Variants in CA5A observed in about 807,000 individuals in gnomAD.
CA5A encodes carbonic anhydrase 5A, also known as carbonic anhydrase 5A, mitochondrial.
CA5A carries 28 observed loss-of-function variants against 37.1 expected under a neutral mutation model. The observed-to-expected ratio is 0.75, with a 90% CI of 0.56 to 1.03. The LOEUF is 1.03. Ranked by LOEUF, CA5A falls within the 50% of genes least tolerant of loss-of-function variation. The pLI is 0.00. For missense variants in CA5A, 444 were observed against 399.9 expected (o/e 1.11, Z -0.94); for synonymous variants, 171 against 158.4 (o/e 1.08, Z -0.60).
At chr16:87,908,876 C>T (rs1041000418) in intron 2 of CA5A, among the ~76,000 whole-genome samples, 3 of 151,998 alleles carry the variant, frequency 2.0e-5, no homozygotes, top group Admixed American at 6.6e-5. Flanking sequence ...AATGCGGTGG[C>T]GTGATCTCAG....
intron 2 of CA5A, among the ~76,000 whole-genome samples, chr16:87,920,565 C>T (rs1269884869): frequency 2.6e-5 from 4 of 152,136 alleles, no homozygotes; most frequent in African/African-American, 9.7e-5. Flanking sequence ...CTGCCTCTGC[C>T]TCCCAAAGCA....
intron 2 of CA5A, among the ~76,000 whole-genome samples, chr16:87,919,573 C>T (rs539584000): frequency 3.1e-4 from 47 of 152,196 alleles, no homozygotes; most frequent in African/African-American, 1.1e-3. Flanking sequence ...GAAAGCAGAG[C>T]CTGGGGGAGC....
At chr16:87,891,467 CA>C (rs372043586) in intron 6 of CA5A, among the ~76,000 whole-genome samples, 141 of 124,600 alleles carry the variant, frequency 1.1e-3, no homozygotes, top group East Asian at 1.6e-3. Context: ...GACTCTGTCT[CA>C]AAAAAAAAAA....
chr16:87,930,141 C>G (rs551346006), intron 1 of CA5A, among the ~76,000 whole-genome samples: 1 of 152,270 alleles, frequency 6.6e-6, no homozygotes, highest in East Asian at 1.9e-4. Context: ...TGCTGTCTGT[C>G]TCATAACCAG....
chr16:87,936,130 C>G (rs1007572948), intron 1 of CA5A, among the ~76,000 whole-genome samples, 179 bp downstream of exon 1: 26 of 150,466 alleles, frequency 1.7e-4, no homozygotes, highest in Non-Finnish European at 3.8e-4. Flanking sequence ...TGAGATCACG[C>G]CACTGTACTC....
In CA5A at chr16:87,926,937, G is replaced by C. The variant is rs2056321690; in HGVS notation, c.151C>G (p.Leu51Val). ...WQTSNNTLHP[L>V]WTVPVSVPGG... ...GGCACGGAGACCGGGACCGTCCAGA[G>C]TGGGTGCACTGCAGGGAGAGAGACG... The change falls in exon 2 of 7, where the codon CTC becomes GTC. Residue 51 changes from leucine (L) to valine (V), a missense_variant. Physicochemically the swap from Leu to Val is conservative, Grantham distance 32. Coordinates refer to ENST00000649794, the MANE Select transcript of CA5A (RefSeq NM_001739.2). 1.3e-6 allele frequency: 2 copies of C among 1,576,914 alleles called. No individual in the cohort carries two copies. The highest frequency in any genetic ancestry group is 1.7e-6 in the Non-Finnish European group (2 of 1,159,684).
chr16:87,920,027 G>A (rs569784204), intron 2 of CA5A, among the ~76,000 whole-genome samples: 1 of 152,302 alleles, frequency 6.6e-6, no homozygotes, highest in African/African-American at 2.4e-5. Flanking sequence ...CATGGACTCA[G>A]GAGGGCCGGG....
At chr16:87,913,613 G>C (rs1275460560) in intron 2 of CA5A, among the ~76,000 whole-genome samples, 2 of 151,786 alleles carry the variant, frequency 1.3e-5, no homozygotes, top group African/African-American at 2.4e-5. Context: ...TGAAATCTCT[G>C]CTCTTTCTTG....
At chr16:87,930,470 C>T (rs555289043) in intron 1 of CA5A, among the ~76,000 whole-genome samples, 36 of 152,248 alleles carry the variant, frequency 2.4e-4, no homozygotes, top group South Asian at 8.3e-4. Flanking sequence ...CCCTCCGGAC[C>T]CTTCCCCAGT....
intron 6 of CA5A, 55 bp from the exon 7 acceptor site, chr16:87,888,327 T>C (rs2055667379): frequency 6.5e-7 from 1 of 1,534,052 alleles, no homozygotes; most frequent in South Asian, 1.2e-5. Context: ...TGAGCCAGCC[T>C]CTGGGTGTCC....
chr16:87,898,860 G>T (rs183015737), intron 5 of CA5A, among the ~76,000 whole-genome samples: 1 of 151,290 alleles, frequency 6.6e-6, no homozygotes, highest in Non-Finnish European at 1.5e-5. Flanking sequence ...TCAGCCTCCT[G>T]AGTAGCTGGG....
intron 2 of CA5A, among the ~76,000 whole-genome samples, 172 bp downstream of exon 2, chr16:87,926,576 C>A (rs2056314249): frequency 6.6e-6 from 1 of 152,234 alleles, no homozygotes; most frequent in South Asian, 2.1e-4. Flanking sequence ...CCTCGAGAAC[C>A]TTCACACCAT....
At chr16:87,921,398 C>T (rs1365782200) in intron 2 of CA5A, among the ~76,000 whole-genome samples, 2 of 152,262 alleles carry the variant, frequency 1.3e-5, no homozygotes, top group Non-Finnish European at 2.9e-5. Flanking sequence ...TGGCTTTGCC[C>T]TCCCGTGTGG....
At chr16:87,921,577 T>A (rs1418338979) in intron 2 of CA5A, among the ~76,000 whole-genome samples, 1 of 152,224 alleles carries the variant, frequency 6.6e-6, no homozygotes, top group Non-Finnish European at 1.5e-5. Flanking sequence ...GTGACAGGGC[T>A]GTTCTGAGTG....
At chr16:87,925,230 C>G (rs1373125873) in intron 2 of CA5A, among the ~76,000 whole-genome samples, 1 of 152,172 alleles carries the variant, frequency 6.6e-6, no homozygotes, top group Non-Finnish European at 1.5e-5. Context: ...GGAAGAGTCA[C>G]TGGGTCCAGC....
At chr16:87,919,207 C>T (rs962366950) in intron 2 of CA5A, among the ~76,000 whole-genome samples, 1 of 152,200 alleles carries the variant, frequency 6.6e-6, no homozygotes. Context: ...CTGAGAGCAA[C>T]CGAGTCAGGG....
At chr16:87,931,708 C>T (rs1056837682) in intron 1 of CA5A, among the ~76,000 whole-genome samples, 9 of 152,300 alleles carry the variant, frequency 5.9e-5, no homozygotes, top group African/African-American at 2.2e-4. Flanking sequence ...CACAACCCTG[C>T]GGTCACACAC....
At chr16:87,898,251 C>A (rs1203905443) in intron 5 of CA5A, among the ~76,000 whole-genome samples, 2 of 152,154 alleles carry the variant, frequency 1.3e-5, no homozygotes, top group African/African-American at 4.8e-5. Context: ...TGGAGGAAAC[C>A]AGGAAAGCAG....
intron 2 of CA5A, among the ~76,000 whole-genome samples, chr16:87,925,221 G>T (rs1013141643): frequency 1.3e-5 from 2 of 152,146 alleles, no homozygotes; most frequent in African/African-American, 4.8e-5. Context: ...GATTCCCCAG[G>T]AAGAGTCACT....
Sources: allele counts gnomAD v4.1 joint callset (sites outside exome capture counted in the v4.1 genomes callset), GRCh38; gene constraint gnomAD v4.1.1; transcripts MANE v1.5; gene names NCBI Gene and HGNC (gene_info 2026-07-23, HGNC 2026-07-21).